LANCL2: variants seen among roughly 807,000 people sequenced by gnomAD.
The protein encoded by LANCL2 is LanC like glutathione S-transferase 2, also known as lanC-like protein 2.
In LANCL2, 33 loss-of-function variants were observed where a neutral mutation model predicts 56.9. That is an observed-to-expected ratio of 0.58 (90% CI 0.44 to 0.78). The LOEUF (loss-of-function observed/expected upper bound fraction) is 0.78, where lower values mean the gene tolerates loss of function less well. Ranked by LOEUF, LANCL2 falls within the 30% of genes least tolerant of loss-of-function variation. LANCL2 has a pLI of 0.00. For synonymous variants in LANCL2, 233 were observed against 228.2 expected, an observed-to-expected ratio of 1.02 and a Z score of -0.19; for missense variants, 562 against 580.2, an observed-to-expected ratio of 0.97 and a Z score of 0.32.
intron 1 of LANCL2, among the ~76,000 whole-genome samples, chr7:55,387,714 C>G (rs1212622886): frequency 1.3e-5 from 2 of 151,986 alleles, no homozygotes; most frequent in Admixed American, 1.3e-4. Flanking sequence ...TACAAAATTC[C>G]TTTTATAAAT....
intron 1 of LANCL2, among the ~76,000 whole-genome samples, chr7:55,372,714 G>A (rs916302742): frequency 4.6e-5 from 7 of 152,132 alleles, no homozygotes; most frequent in Non-Finnish European, 1.0e-4. Context: ...AGTATAAAAT[G>A]TGATAATGAA....
intron 6 of LANCL2, among the ~76,000 whole-genome samples, chr7:55,414,731 G>C (rs1334682575): frequency 6.6e-6 from 1 of 152,080 alleles, no homozygotes; most frequent in East Asian, 1.9e-4. Context: ...TGTAATCCCA[G>C]CACTTTGGGA....
intron 8 of LANCL2, among the ~76,000 whole-genome samples, chr7:55,430,423 C>T (rs888971868): frequency 1.3e-5 from 2 of 152,160 alleles, no homozygotes; most frequent in Non-Finnish European, 2.9e-5. Context: ...CAGAACTAAT[C>T]CATGGTGGAC....
chr7:55,410,562 A>T (rs2128995095), intron 5 of LANCL2, among the ~76,000 whole-genome samples: 1 of 152,318 alleles, frequency 6.6e-6, no homozygotes, highest in Non-Finnish European at 1.5e-5. Context: ...ATTTTATTTC[A>T]GTTTTGAGAG....
intron 1 of LANCL2, among the ~76,000 whole-genome samples, chr7:55,369,112 G>A (rs902511499): frequency 6.6e-6 from 1 of 152,214 alleles, no homozygotes; most frequent in Non-Finnish European, 1.5e-5. Context: ...ATTCTCCTCT[G>A]TAAGTTTGAC....
At chr7:55,424,896 G>A (rs963662671) in intron 6 of LANCL2, among the ~76,000 whole-genome samples, 1 of 152,232 alleles carries the variant, frequency 6.6e-6, no homozygotes, top group African/African-American at 2.4e-5. Context: ...AACTGCTTAT[G>A]CGAGGGATCT....
intron 6 of LANCL2, among the ~76,000 whole-genome samples, chr7:55,413,594 C>G (rs1023226357): frequency 2.0e-5 from 3 of 152,232 alleles, no homozygotes; most frequent in African/African-American, 7.2e-5. Context: ...TGGCCACCAT[C>G]TGTTTTCACC....
chr7:55,403,198 C>T (rs572315172), intron 5 of LANCL2, among the ~76,000 whole-genome samples: 175 of 152,390 alleles, frequency 1.1e-3, no homozygotes, highest in African/African-American at 3.9e-3. Flanking sequence ...CCCGGCACCT[C>T]GGGAGGCCGA....
intron 8 of LANCL2, among the ~76,000 whole-genome samples, chr7:55,429,464 A>C (rs1360137501): frequency 2.0e-5 from 3 of 152,204 alleles, no homozygotes; most frequent in African/African-American, 7.2e-5. Flanking sequence ...TATGTAAGCT[A>C]TTGGTATTCC....
At chr7:55,403,569 G>GTTT (rs34481346) in intron 5 of LANCL2, among the ~76,000 whole-genome samples, 192 of 99,484 alleles carry the variant, frequency 1.9e-3, no homozygotes, top group Non-Finnish European at 2.5e-3. Flanking sequence ...TTTGTTTGTT[G>GTTT]TTTTTTTTTT....
chr7:55,391,691 A>G, intron 1 of LANCL2, 102 bp from the exon 2 acceptor site: 1 of 674,546 alleles, frequency 1.5e-6, no homozygotes, highest in Non-Finnish European at 2.6e-6. Context: ...CAAGGAAAGT[A>G]ACTTCTGTCT....
In LANCL2 at chr7:55,398,779, T is replaced by C. The variant is rs1562863095; in HGVS notation, c.530+149T>C. The C allele has an allele frequency of 1.7e-5, 11 of 640,938 alleles. No individual in the cohort carries two copies. The East Asian group carries it at 3.0e-4, about 18-fold the overall frequency. The allele number at this position is 640,938 out of a possible 1,614,324, so 39.7% of individuals were successfully genotyped here. A position where few individuals can be genotyped will look rare whatever the true frequency, so the allele number is the denominator to read the frequency against. ...GTTAATCTTGAGCATAGTGGTGGGATCATATGCCCTCTTTTTATCCAAGCA... is the reference window on the plus strand; with the variant it reads ...GTTAATCTTGAGCATAGTGGTGGGACCATATGCCCTCTTTTTATCCAAGCA... On this transcript the variant is annotated intron_variant, in intron 3 of 8. Coordinates refer to ENST00000254770, the MANE Select transcript of LANCL2 (RefSeq NM_018697.4).
At chr7:55,402,263 T>C (rs1790341770) in intron 5 of LANCL2, among the ~76,000 whole-genome samples, 1 of 114,452 alleles carries the variant, frequency 8.7e-6, no homozygotes. Flanking sequence ...CCCCCCCGCC[T>C]CCCTCCCGGA....
intron 2 of LANCL2, 34 bp from the exon 3 acceptor site, chr7:55,398,389 A>G: frequency 1.4e-6 from 2 of 1,443,090 alleles, no homozygotes; most frequent in East Asian, 2.3e-5. Context: ...AAAAGATAAT[A>G]ATGCTTTTCT....
intron 1 of LANCL2, among the ~76,000 whole-genome samples, chr7:55,370,055 C>G (rs940757581): frequency 1.4e-4 from 21 of 152,216 alleles, no homozygotes; most frequent in Admixed American, 1.1e-3. Context: ...CTCACGGTCT[C>G]TGGAGAAGCT....
chr7:55,407,575 A>C (rs913372577), intron 5 of LANCL2, among the ~76,000 whole-genome samples: 1 of 152,194 alleles, frequency 6.6e-6, no homozygotes, highest in Non-Finnish European at 1.5e-5. Context: ...TTTACATTTA[A>C]GTTGGTGGAC....
intron 5 of LANCL2, among the ~76,000 whole-genome samples, chr7:55,401,550 C>CTT (rs58797958): frequency 0.099 from 5,085 of 51,302 alleles, 280 homozygotes; most frequent in East Asian, 0.26. Context: ...TTCCAATTTT[C>CTT]TTTTTTTTTT....
At chr7:55,425,134 C>A in intron 6 of LANCL2, 120 bp from the exon 7 acceptor site, 3 of 905,110 alleles carry the variant, frequency 3.3e-6, no homozygotes, top group Non-Finnish European at 3.3e-6. Flanking sequence ...TGTTTTTCAC[C>A]CCCAGTGCCA....
chr7:55,417,844 A>G (rs1404093416), intron 6 of LANCL2, among the ~76,000 whole-genome samples: 1 of 151,998 alleles, frequency 6.6e-6, no homozygotes, highest in African/African-American at 2.4e-5. Flanking sequence ...ATACCCGGCT[A>G]GTTTTTGTAT....
Sources: gnomAD v4.1 joint callset for allele counts (sites outside exome capture counted in the v4.1 genomes callset) on GRCh38, gnomAD v4.1.1 for gene constraint, MANE v1.5 for transcripts, NCBI Gene and HGNC (gene_info 2026-07-23, HGNC 2026-07-21) for gene names.